ZNF75A: variants seen among roughly 807,000 people sequenced by gnomAD.
ZNF75A encodes zinc finger protein 75A.
A neutral mutation model predicts 46.3 loss-of-function variants in ZNF75A; 36 were observed. The observed-to-expected ratio is 0.78, with a 90% CI of 0.60 to 1.03. The LOEUF (loss-of-function observed/expected upper bound fraction) is 1.03. Among genes scored for constraint, ZNF75A ranks in the 50% least tolerant of loss-of-function variants. The probability of loss-of-function intolerance (pLI) is 0.00; values close to 1 mark genes in which losing one functional copy is unlikely to be tolerated. For missense variants in ZNF75A, 595 were observed against 551.3 expected (o/e 1.08, Z -0.79); for synonymous variants, 234 against 189.9 (o/e 1.23, Z -1.91).
intron 1 of ZNF75A, chr16:3,307,045 G>A (rs760913519): frequency 2.0e-5 from 3 of 151,180 alleles, no homozygotes; most frequent in Non-Finnish European, 4.4e-5. Context: ...TTCACCTCCC[G>A]GGTTCAAACA....
chr16:3,312,902 G>A, intron 4 of ZNF75A, 134 bp downstream of exon 4: 1 of 1,249,328 alleles, frequency 8.0e-7, no homozygotes, highest in Non-Finnish European at 1.1e-6. Flanking sequence ...GCTGTGGGCT[G>A]ACGCCTTTTC....
chr16:3,310,980 C>G (rs1232634363), intron 2 of ZNF75A: 8 of 983,704 alleles, frequency 8.1e-6, no homozygotes, highest in African/African-American at 1.7e-5. Context: ...TTTCTCCATT[C>G]TATCCCCATT....
downstream of ZNF75A, chr16:3,318,883 C>T (rs1332596288): frequency 2.1e-6 from 2 of 966,504 alleles, no homozygotes; most frequent in African/African-American, 3.5e-5. Context: ...AGCAAATCTA[C>T]ATCCATGTTG....
intron 2 of ZNF75A, among the ~76,000 whole-genome samples, chr16:3,309,766 AAGGC>A (rs1567267183): frequency 1.3e-5 from 2 of 151,712 alleles, no homozygotes; most frequent in Non-Finnish European, 2.9e-5. Flanking sequence ...AAAAAAAAAA[AAGGC>A]AGATCCACAA....
rs545441688 is a variant in ZNF75A, at chr16:3,310,712, G to A, written c.409-1041G>A. On this transcript the variant is annotated intron_variant, in intron 2 of 6. Transcript: ENST00000669516. ...TAGAAAAAAGGGAAACAAAGATTTGGAAAAAAGAAAAATCCCAACAGAATA... is the reference window on the plus strand; with the variant it reads ...TAGAAAAAAGGGAAACAAAGATTTGAAAAAAAGAAAAATCCCAACAGAATA... 1.1e-5 allele frequency: 11 copies of A among 985,544 alleles called. No homozygotes were observed. The African/African-American group carries it at 1.9e-4, about 17-fold the overall frequency. 61.0% of individuals were successfully genotyped at this position (985,544 alleles called of 1,614,324 possible).
At chr16:3,310,298 G>T (rs192106071) in intron 2 of ZNF75A, among the ~76,000 whole-genome samples, 2 of 152,018 alleles carry the variant, frequency 1.3e-5, no homozygotes, top group African/African-American at 4.8e-5. Context: ...GAAGGCTGAG[G>T]CAGGAGAATG....
In ZNF75A at chr16:3,308,634, T is replaced by C; in HGVS notation, c.206T>C (p.Leu69Pro). The C allele has an allele frequency of 1.0e-6, 1 of 986,902 alleles. No individual in the cohort carries two copies. Among genetic ancestry groups the C allele is most frequent in the Non-Finnish European group, 1.2e-6 (1 of 830,146 alleles). 61.1% of individuals were successfully genotyped at this position (986,902 alleles called of 1,614,324 possible). A position where few individuals can be genotyped will look rare whatever the true frequency, so the allele number is the denominator to read the frequency against. Residue 69 changes from leucine to proline, a missense_variant, in exon 2 of 7, where the codon CTT becomes CCT. Physicochemically the swap from Leu to Pro is moderately conservative, Grantham distance 98. Coordinates refer to ENST00000669516, the MANE Select transcript of ZNF75A (RefSeq NM_001302109.2). ...AGGPREAVSK[L>P]QELCHLWLKP... ...GGACCCCGTGAGGCTGTCAGCAAAC[T>C]TCAAGAATTATGTCATCTATGGCTG...
Position 3,308,534 on chromosome 16 carries a change from TCTC to T in ZNF75A, c.110_112del (p.Pro37del). On this transcript the variant is annotated inframe_deletion, in exon 2 of 7. Transcript: ENST00000669516. ...AGAGAGCTCCGGTCAGAGTAAAAAATCTCCTCAAATGGACTGTCTCGATCCTAA... is the reference window on the plus strand; with the variant it reads ...AGAGAGCTCCGGTCAGAGTAAAAAATCTCAAATGGACTGTCTCGATCCTAA... 1 of 985,720 alleles carries T rather than the reference TCTC, an allele frequency of 1.0e-6. No individual in the cohort carries two copies. The highest frequency in any genetic ancestry group is 1.2e-6 in the Non-Finnish European group (1 of 829,922). The allele number at this position is 985,720 out of a possible 1,614,324, so 61.1% of individuals were successfully genotyped here. A position where few individuals can be genotyped will look rare whatever the true frequency, so the allele number is the denominator to read the frequency against.
At chr16:3,322,959 G>T (rs568512295), downstream of ZNF75A, 1 of 984,646 alleles carries the variant, frequency 1.0e-6, no homozygotes. Context: ...CGACAAGGAG[G>T]CAGCCAATGT....
rs1960837743 is a variant in ZNF75A, at chr16:3,311,936, G to A, written c.592G>A (p.Val198Met). ...GAATACTCATAAAGAGACTGAGCCT[G>A]TGTATGAGAGGGGTAAGGAGCTTCA... Reference protein sequence around the residue: ...SRNTHKETEPVYERAVPTQQI... With the variant: ...SRNTHKETEPMYERAVPTQQI... Residue 198 changes from valine (V) to methionine (M), a missense_variant, in exon 3 of 7, where the codon GTG (valine) becomes ATG (methionine). Transcript: ENST00000669516. 1.0e-6 allele frequency: 1 copy of A among 986,338 alleles called. No individual in the cohort carries two copies. The highest frequency in any genetic ancestry group is 1.2e-6 in the Non-Finnish European group (1 of 830,056). The allele number at this position is 986,338 out of a possible 1,614,324, so 61.1% of individuals were successfully genotyped here.
downstream of ZNF75A, among the ~76,000 whole-genome samples, chr16:3,322,554 C>T (rs924988029): frequency 2.6e-5 from 4 of 152,212 alleles, no homozygotes; most frequent in Non-Finnish European, 5.9e-5. Flanking sequence ...CTACCTTTTG[C>T]ATTGCATTTC....
intron 4 of ZNF75A, 84 bp downstream of exon 4, chr16:3,312,852 T>G: frequency 8.3e-7 from 1 of 1,198,190 alleles, no homozygotes; most frequent in Non-Finnish European, 1.1e-6. Context: ...CAGAGGTGTG[T>G]TAGTCCCGGG....
chr16:3,306,222 C>A (rs574288557), intron 1 of ZNF75A: 6 of 152,122 alleles, frequency 3.9e-5, no homozygotes, highest in African/African-American at 1.4e-4. Flanking sequence ...TCTAAATGAC[C>A]TTTGGAGAAA....
At chr16:3,321,323 G>C (rs1318534620), downstream of ZNF75A, among the ~76,000 whole-genome samples, 4 of 152,110 alleles carry the variant, frequency 2.6e-5, no homozygotes, top group Non-Finnish European at 5.9e-5. Context: ...TCAGATAGCA[G>C]CCTTACCGTG....
In ZNF75A at chr16:3,316,946, C is replaced by T; in HGVS notation, c.858C>T (p.Ser286=). ...LFVLPKPKVI[S]CLEQGEEPWV... is the part of the protein sequence containing the mutation. ...TGCTCCCCAAACCTAAAGTGATCTC[C>T]TGTCTAGAGCAAGGGGAAGAGCCAT... is the stretch of plus-strand genomic sequence containing the variant. Residue 286 remains serine (S), a synonymous_variant, in exon 6 of 7, where the codon TCC becomes TCT. Coordinates refer to ENST00000669516, the MANE Select transcript of ZNF75A (RefSeq NM_001302109.2). The T allele has an allele frequency of 6.2e-7, 1 of 1,613,822 alleles. No individual in the cohort carries two copies. Among genetic ancestry groups the T allele is most frequent in the Non-Finnish European group, 8.5e-7 (1 of 1,179,886 alleles).
At chr16:3,315,132 C>G (rs1961105359) in intron 5 of ZNF75A, 1 of 966,788 alleles carries the variant, frequency 1.0e-6, no homozygotes, top group African/African-American at 1.8e-5. Context: ...TTTTTCCCAT[C>G]TCAGTAAGGG....
Position 3,316,938 on chromosome 16 carries a change from G to T in ZNF75A, c.850G>T (p.Val284Leu). The T allele has an allele frequency of 6.2e-7, 1 of 1,613,632 alleles. No individual in the cohort carries two copies. Among genetic ancestry groups the T allele is most frequent in the Non-Finnish European group, 8.5e-7 (1 of 1,179,824 alleles). Residue 284 changes from valine to leucine, a missense_variant, in exon 6 of 7, where the codon GTG (valine) becomes TTG (leucine). Transcript: ENST00000669516. Reference sequence around the variant, plus strand: ...ATTGTTTGTGCTCCCCAAACCTAAAGTGATCTCCTGTCTAGAGCAAGGGGA... The same window carrying T: ...ATTGTTTGTGCTCCCCAAACCTAAATTGATCTCCTGTCTAGAGCAAGGGGA... The part of the protein sequence containing the change: ...LALFVLPKPK[V>L]ISCLEQGEEP...
Position 3,317,387 on chromosome 16 carries a change from C to G in ZNF75A, c.1132C>G (p.Leu378Val), listed in dbSNP as rs1961298675. Residue 378 changes from leucine (L) to valine (V), a missense_variant, in exon 7 of 7, where the codon CTT (leucine) becomes GTT (valine). By Grantham distance (32) the Leu-to-Val change is conservative (BLOSUM62 1). Transcript: ENST00000669516. ...TTTTCCAGTGAAGAAAAGAAAGAAA[C>G]TTTCAACCTGGAAACAAGAGCTGCT... ...QDFPVKKRKK[L>V]STWKQELLKL... 2.5e-6 allele frequency: 4 copies of G among 1,614,118 alleles called. No homozygotes were observed. The highest frequency in any genetic ancestry group is 3.4e-6 in the Non-Finnish European group (4 of 1,180,012).
At chr16:3,320,996 A>C (rs886065307), downstream of ZNF75A, among the ~76,000 whole-genome samples, 4 of 152,180 alleles carry the variant, frequency 2.6e-5, no homozygotes, top group African/African-American at 4.8e-5. Context: ...GCCAGTACCC[A>C]GCTGCTGCAC....
Sources: gnomAD v4.1 joint callset for allele counts (sites outside exome capture counted in the v4.1 genomes callset) on GRCh38, gnomAD v4.1.1 for gene constraint, MANE v1.5 for transcripts, NCBI Gene and HGNC (gene_info 2026-07-23, HGNC 2026-07-21) for gene names.